The following PRKCH variants were observed in gnomAD, a reference collection of about 807,000 sequenced individuals.
PRKCH encodes the protein protein kinase C eta, also known as protein kinase C eta type.
A neutral mutation model predicts 82.5 loss-of-function variants in PRKCH; 28 were observed. That is an observed-to-expected ratio of 0.34 (90% confidence interval 0.25 to 0.47). PRKCH has a LOEUF of 0.47. Among genes scored for constraint, PRKCH ranks in the 20% least tolerant of loss-of-function variants. PRKCH has a pLI of 1.00. For missense variants in PRKCH, 705 were observed against 881.8 expected (o/e 0.80, Z 2.54); for synonymous variants, 322 against 327.4 (o/e 0.98, Z 0.18).
intron 9 of PRKCH, among the ~76,000 whole-genome samples, chr14:61,464,365 G>A (rs759836351): frequency 6.6e-6 from 1 of 150,408 alleles, no homozygotes; most frequent in Non-Finnish European, 1.5e-5. Context: ...TGTGTGTGTG[G>A]TTTTGTTTTG....
chr14:61,304,470 A>G (rs1594900604), intron 1 of PRKCH: 1 of 152,160 alleles, frequency 6.6e-6, no homozygotes. Context: ...ATAGTTTACA[A>G]TGAATCCTCC....
intron 1 of PRKCH, chr14:61,360,981 C>T (rs2046217093): frequency 6.6e-6 from 1 of 152,360 alleles, no homozygotes; most frequent in Non-Finnish European, 1.5e-5. Flanking sequence ...AGTAGCTACG[C>T]ACGGAAAGTA....
At chr14:61,234,306 C>G (rs2044769959) in intron 1 of PRKCH, among the ~76,000 whole-genome samples, 1 of 152,146 alleles carries the variant, frequency 6.6e-6, no homozygotes. Context: ...CCTGTGACTA[C>G]TGCATTAGGT....
In PRKCH at chr14:61,339,491, T is replaced by C. The variant is rs866534387; in HGVS notation, c.363+17027T>C. Among the ~76,000 whole-genome samples the C allele has an allele frequency of 9.2e-4, 138 of 150,246 alleles. 1 individual carries two copies. Among genetic ancestry groups the C allele is most frequent in the African/African-American group, 3.3e-3 (134 of 41,000 alleles). ...GGCGCCCACCACCACGCCCGGCTAA[T>C]TTTTTGTATTTTTAGTAGAGACGGG... is the stretch of plus-strand genomic sequence containing the variant. On this transcript the variant is annotated intron_variant, in intron 1 of 13. Coordinates refer to ENST00000332981, the MANE Select transcript of PRKCH (RefSeq NM_006255.5).
At chr14:61,539,231 A>G (rs1201196333) in intron 12 of PRKCH, among the ~76,000 whole-genome samples, 6 of 152,196 alleles carry the variant, frequency 3.9e-5, no homozygotes, top group African/African-American at 1.4e-4. Flanking sequence ...AGAAGATACA[A>G]GGAAGCAATA....
At chr14:61,317,574 C>T (rs1015245854), upstream of PRKCH, among the ~76,000 whole-genome samples, 10 of 152,190 alleles carry the variant, frequency 6.6e-5, no homozygotes, top group Admixed American at 6.5e-4. Flanking sequence ...GTGCCAAGCC[C>T]ATGTGGCGTT....
chr14:61,527,111 A>C (rs1428735722), intron 10 of PRKCH, among the ~76,000 whole-genome samples: 1 of 152,148 alleles, frequency 6.6e-6, no homozygotes, highest in African/African-American at 2.4e-5. Context: ...TTAAGAGAGC[A>C]CTGCCTTTTA....
chr14:61,214,463 G>T (rs1044411442), intron 1 of PRKCH, among the ~76,000 whole-genome samples: 1 of 152,146 alleles, frequency 6.6e-6, no homozygotes, highest in African/African-American at 2.4e-5. Context: ...CATACCCATT[G>T]CTTCATGATA....
intron 1 of PRKCH, among the ~76,000 whole-genome samples, chr14:61,374,244 TG>T (rs2046401552): frequency 6.6e-6 from 1 of 152,174 alleles, no homozygotes; most frequent in Non-Finnish European, 1.5e-5. Context: ...AGTTCTACTC[TG>T]TGCCTATGCA....
chr14:61,284,577 A>G (rs1023834184), intron 1 of PRKCH, among the ~76,000 whole-genome samples: 1 of 152,226 alleles, frequency 6.6e-6, no homozygotes, highest in Non-Finnish European at 1.5e-5. Flanking sequence ...TGGAAGACTG[A>G]TATAGATATA....
At chr14:61,514,066 T>G (rs1254666910) in intron 10 of PRKCH, among the ~76,000 whole-genome samples, 1 of 152,066 alleles carries the variant, frequency 6.6e-6, no homozygotes, top group Non-Finnish European at 1.5e-5. Context: ...GCACCAGCAT[T>G]CCAGCCTGCC....
chr14:61,391,732 C>T (rs1008452105), intron 2 of PRKCH, among the ~76,000 whole-genome samples: 1 of 152,158 alleles, frequency 6.6e-6, no homozygotes, highest in African/African-American at 2.4e-5. Flanking sequence ...TCTGTGGCTA[C>T]CGTACTCCCT....
At chr14:61,276,519 C>A (rs181018771) in intron 1 of PRKCH, among the ~76,000 whole-genome samples, 1 of 151,914 alleles carries the variant, frequency 6.6e-6, no homozygotes, top group Non-Finnish European at 1.5e-5. Flanking sequence ...CCACACCTGG[C>A]TGATTTTTGT....
At chr14:61,267,494 C>A (rs942558848) in intron 1 of PRKCH, among the ~76,000 whole-genome samples, 2 of 152,150 alleles carry the variant, frequency 1.3e-5, no homozygotes, top group South Asian at 4.1e-4. Context: ...CCTCAGCTAC[C>A]CTTCTTGTGA....
chr14:61,299,036 CT>C (rs2045428251), intron 1 of PRKCH, among the ~76,000 whole-genome samples: 1 of 152,188 alleles, frequency 6.6e-6, no homozygotes, highest in Non-Finnish European at 1.5e-5. Context: ...GGTGTCACTT[CT>C]CCCTTGATTC....
At chr14:61,485,879 TC>T (rs1886197466) in intron 10 of PRKCH, among the ~76,000 whole-genome samples, 1 of 152,138 alleles carries the variant, frequency 6.6e-6, no homozygotes. Flanking sequence ...CATCTGGACC[TC>T]CCAAGTAGAT....
chr14:61,388,938 A>T (rs1186438515), intron 1 of PRKCH, among the ~76,000 whole-genome samples: 3 of 152,230 alleles, frequency 2.0e-5, no homozygotes, highest in African/African-American at 7.2e-5. Flanking sequence ...AGCTTTCTGA[A>T]TCTGAACAAA....
chr14:61,448,609 A>T (rs1485377403), intron 4 of PRKCH, among the ~76,000 whole-genome samples: 1 of 152,122 alleles, frequency 6.6e-6, no homozygotes, highest in East Asian at 1.9e-4. Context: ...CATGGAAGAG[A>T]CATTTTCTGA....
At chr14:61,257,604 GACACACAC>G (rs796604363) in intron 1 of PRKCH, among the ~76,000 whole-genome samples, 2 of 55,336 alleles carry the variant, frequency 3.6e-5, no homozygotes, top group East Asian at 1.2e-3. Flanking sequence ...GTCACACACA[GACACACAC>G]ACACACACAC....
Sources: gnomAD v4.1 joint callset for allele counts (sites outside exome capture counted in the v4.1 genomes callset) on GRCh38, gnomAD v4.1.1 for gene constraint, MANE v1.5 for transcripts, NCBI Gene and HGNC (gene_info 2026-07-23, HGNC 2026-07-21) for gene names.